The following FRY variants were observed in gnomAD, a reference collection of about 807,000 sequenced individuals.
FRY encodes the protein protein furry homolog.
A neutral mutation model predicts 348.4 loss-of-function variants in FRY; 128 were observed. That is an observed-to-expected ratio of 0.37 (90% CI 0.32 to 0.43). The LOEUF (loss-of-function observed/expected upper bound fraction) is 0.43. Ranked by LOEUF, FRY falls within the 20% of genes least tolerant of loss-of-function variation. The pLI, the probability that FRY is intolerant of heterozygous loss-of-function variation, is 1.00. For synonymous variants in FRY, 1,370 were observed against 1,374.7 expected (o/e 1.00, Z 0.08); for missense variants, 2,736 against 3,695.2 (o/e 0.74, Z 6.73).
intron 58 of FRY, among the ~76,000 whole-genome samples, chr13:32,286,081 T>G (rs1441215707): frequency 1.3e-5 from 2 of 152,194 alleles, no homozygotes; most frequent in Non-Finnish European, 2.9e-5. Context: ...GTGATAAGTA[T>G]GGGAAGAATA....
At chr13:32,199,462 C>A (rs561889549) in intron 29 of FRY, among the ~76,000 whole-genome samples, 141 of 152,290 alleles carry the variant, frequency 9.3e-4, no homozygotes, top group African/African-American at 3.1e-3. Context: ...ATGTTTAAAA[C>A]CCTGTGCATT....
intron 17 of FRY, among the ~76,000 whole-genome samples, chr13:32,163,918 C>G (rs1384008156): frequency 6.6e-6 from 1 of 151,966 alleles, no homozygotes; most frequent in East Asian, 1.9e-4. Context: ...GGGAACAGAA[C>G]AAATAAATAT....
At chr13:32,149,013 A>T (rs2138139841) in intron 13 of FRY, among the ~76,000 whole-genome samples, 1 of 149,922 alleles carries the variant, frequency 6.7e-6, no homozygotes, top group Admixed American at 6.7e-5. Context: ...TGTTTTATTT[A>T]TATATATAAA....
chr13:32,160,470 C>T (rs1177519300), intron 16 of FRY, among the ~76,000 whole-genome samples: 1 of 152,144 alleles, frequency 6.6e-6, no homozygotes, highest in Non-Finnish European at 1.5e-5. Flanking sequence ...ATATATATTT[C>T]TCCTTCACAT....
At chr13:32,118,159 G>T (rs1359100808) in intron 4 of FRY, among the ~76,000 whole-genome samples, 1 of 152,004 alleles carries the variant, frequency 6.6e-6, no homozygotes, top group African/African-American at 2.4e-5. Flanking sequence ...TTTTAGGTAA[G>T]CACATATAAT....
intron 55 of FRY, 107 bp from the exon 56 acceptor site, chr13:32,274,735 T>C (rs1307833338): frequency 1.5e-6 from 1 of 668,522 alleles, no homozygotes; most frequent in East Asian, 2.7e-5. Flanking sequence ...AAAAATCAGT[T>C]AATGTAATTG....
intron 50 of FRY, 154 bp from the exon 51 acceptor site, chr13:32,254,070 C>T (rs1197643176): frequency 1.3e-6 from 1 of 754,658 alleles, no homozygotes; most frequent in Non-Finnish European, 2.3e-6. Flanking sequence ...GGCACCTGTC[C>T]AACATAAATA....
At chr13:32,161,562 A>G (rs2138181265) in intron 17 of FRY, among the ~76,000 whole-genome samples, 1 of 152,320 alleles carries the variant, frequency 6.6e-6, no homozygotes. Context: ...AAGGCAACAA[A>G]TAACTCCTGA....
chr13:32,078,792 A>G (rs756026315), intron 1 of FRY, 42 bp from the exon 2 acceptor site: 3 of 1,360,794 alleles, frequency 2.2e-6, no homozygotes, highest in South Asian at 2.3e-5. Flanking sequence ...AATATTTATG[A>G]CATTATTATC....
chr13:32,037,766 A>T (rs543880405), intron 1 of FRY, among the ~76,000 whole-genome samples: 2 of 152,326 alleles, frequency 1.3e-5, no homozygotes, highest in East Asian at 3.9e-4. Context: ...ACATTTTAAT[A>T]CCCATGACTC....
chr13:32,214,155 C>A (rs1489127903), intron 35 of FRY, among the ~76,000 whole-genome samples: 2 of 152,146 alleles, frequency 1.3e-5, no homozygotes, highest in African/African-American at 4.8e-5. Context: ...CTACTGTATT[C>A]TTTTTTTTCT....
chr13:32,294,462 C>G lies in FRY; in HGVS notation c.8675C>G (p.Ala2892Gly), dbSNP rs558171569. Residue 2892 changes from alanine to glycine, a missense_variant, in exon 60 of 61, where the codon GCG becomes GGG. By Grantham distance (60) the Ala-to-Gly change is moderately conservative (BLOSUM62 0). Transcript: ENST00000542859. The stretch of plus-strand genomic sequence containing the variant: ...GCTGACCCTCTCTATTCAGACGGCG[C>G]GTGGTCCGAGCCCACCTTCACGTCC... Reference protein sequence around the residue: ...IAADPLYSDGAWSEPTFTSTE... With the variant: ...IAADPLYSDGGWSEPTFTSTE... 1 of 1,613,958 alleles carries G rather than the reference C, an allele frequency of 6.2e-7. No individual in the cohort carries two copies. The highest frequency in any genetic ancestry group is 1.7e-5 in the Admixed American group (1 of 60,024).
chr13:32,239,598 CA>C lies in FRY; in HGVS notation c.6517-108del. On this transcript the variant is annotated intron_variant, in intron 45 of 60. Coordinates refer to ENST00000542859, the MANE Select transcript of FRY (RefSeq NM_023037.3). This position sits in a 1 kb window ranked among gnomAD's most constrained non-coding sequence, Gnocchi z 4.3. The stretch of plus-strand genomic sequence containing the variant: ...CAAGCTAAGTATTTCCTGTAATTAC[CA>C]AAAAGTGTATCAATCTACTTTCCAG... The C allele has an allele frequency of 1.3e-6, 1 of 790,682 alleles. No homozygotes were observed. The highest frequency in any genetic ancestry group is 1.5e-5 in the South Asian group (1 of 67,478). 49.0% of individuals were successfully genotyped at this position (790,682 alleles called of 1,614,324 possible).
Position 32,224,300 on chromosome 13 carries a change from T to C in FRY, c.4831T>C (p.Leu1611=), listed in dbSNP as rs1299595777. 1.2e-6 allele frequency: 2 copies of C among 1,614,056 alleles called. No individual in the cohort carries two copies. Among genetic ancestry groups the C allele is most frequent in the South Asian group, 2.2e-5 (2 of 91,076 alleles). Reference sequence around the variant, plus strand: ...TACAGAGACCAAGCAGCCGCAGCCCTTACCGATGCCTTGTACTGGAGGATG... The same window carrying C: ...TACAGAGACCAAGCAGCCGCAGCCCCTACCGATGCCTTGTACTGGAGGATG... ...TITETKQPQP[L]PMPCTGGCWA... is the part of the protein sequence containing the mutation. The change falls in exon 37 of 61, where the codon TTA becomes CTA. Residue 1611 remains leucine (L), a synonymous_variant. Coordinates refer to ENST00000542859, the MANE Select transcript of FRY (RefSeq NM_023037.3).
chr13:32,241,159 G>T (rs1886478662), intron 46 of FRY, among the ~76,000 whole-genome samples: 1 of 152,218 alleles, frequency 6.6e-6, no homozygotes, highest in Admixed American at 6.5e-5. Context: ...CACAGAAGTA[G>T]TACTGAGAGA....
chr13:32,098,031 A>G (rs140194671), intron 2 of FRY, among the ~76,000 whole-genome samples: 114 of 152,220 alleles, frequency 7.5e-4, no homozygotes, highest in African/African-American at 2.6e-3. Context: ...CCACTGTCCT[A>G]GAACTTCTAT....
intron 36 of FRY, among the ~76,000 whole-genome samples, chr13:32,222,075 G>C (rs1342966312): frequency 6.6e-6 from 1 of 152,120 alleles, no homozygotes; most frequent in African/African-American, 2.4e-5. Flanking sequence ...AATTTACATA[G>C]AGTAGTCAAG....
At chr13:32,256,382 A>G (rs1243572903) in intron 51 of FRY, among the ~76,000 whole-genome samples, 1 of 152,172 alleles carries the variant, frequency 6.6e-6, no homozygotes. Context: ...TACAAAATTT[A>G]AAATTAGCCA....
At chr13:32,128,758 A>T (rs79059709) in intron 7 of FRY, among the ~76,000 whole-genome samples, 26 of 152,056 alleles carry the variant, frequency 1.7e-4, no homozygotes, top group Non-Finnish European at 3.2e-4. Flanking sequence ...CCACTTACAG[A>T]TATTTCTTGT....
Sources: gnomAD v4.1 joint callset for allele counts (sites outside exome capture counted in the v4.1 genomes callset) on GRCh38, gnomAD v4.1.1 for gene constraint, Gnocchi (gnomAD v3.1) non-coding constraint, MANE v1.5 for transcripts, NCBI Gene and HGNC (gene_info 2026-07-23, HGNC 2026-07-21) for gene names.